The following MID1 variants were observed in gnomAD, a reference collection of about 807,000 sequenced individuals.
MID1 encodes the protein E3 ubiquitin-protein ligase Midline-1.
A neutral mutation model predicts 40.4 loss-of-function variants in MID1; 7 were observed. The ratio of observed to expected loss-of-function variants is 0.17; its 90% CI spans 0.10 to 0.33. The LOEUF (loss-of-function observed/expected upper bound fraction) is 0.33. MID1 is among the 10% of genes least tolerant of loss of function. MID1 has a pLI of 1.00. For synonymous variants in MID1, 229 were observed against 221.2 expected, an observed-to-expected ratio of 1.04 and a Z score of -0.31; for missense variants, 367 against 558.5, an observed-to-expected ratio of 0.66 and a Z score of 3.46.
At chrX:10,567,709 G>C in intron 1 of MID1, 106 bp from the exon 2 acceptor site, 2 of 530,000 alleles carry the variant, frequency 3.8e-6, no homozygotes, top group South Asian at 5.7e-5. Context: ...GTCATGAAAG[G>C]GTAAGTGTGT....
At chrX:10,811,920 G>A (rs1310521907) in intron 1 of MID1, among the ~76,000 whole-genome samples, 1 of 111,507 alleles carries the variant, frequency 9.0e-6, no homozygotes, top group African/African-American at 3.3e-5. Context: ...ATTTTTTGAT[G>A]GCAAAATGTC....
At chrX:10,666,854 T>C (rs1186155559) in intron 1 of MID1, among the ~76,000 whole-genome samples, 2 of 111,872 alleles carry the variant, frequency 1.8e-5, no homozygotes, top group East Asian at 5.6e-4. Context: ...TATGGATGGA[T>C]AGAAAGGCAG....
At chrX:10,831,971 T>C in intron 1 of MID1, among the ~76,000 whole-genome samples, 1 of 112,668 alleles carries the variant, frequency 8.9e-6, no homozygotes, top group Non-Finnish European at 1.9e-5. Flanking sequence ...CCATCTGTTA[T>C]TAACTGTATA....
intron 1 of MID1, among the ~76,000 whole-genome samples, chrX:10,681,074 A>G (rs1253090480): frequency 2.0e-5 from 2 of 101,312 alleles, no homozygotes; most frequent in East Asian, 3.1e-4. Flanking sequence ...TAATAATAAT[A>G]ATGCTACACA....
At chrX:10,491,500 C>T (rs775966642) in intron 4 of MID1, among the ~76,000 whole-genome samples, 7 of 110,920 alleles carry the variant, frequency 6.3e-5, no homozygotes, top group Admixed American at 4.8e-4. Flanking sequence ...CCTCCTGCCT[C>T]GGCCTCCCAA....
At chrX:10,478,022 G>A (rs906200272) in intron 5 of MID1, among the ~76,000 whole-genome samples, 2 of 112,327 alleles carry the variant, frequency 1.8e-5, no homozygotes, top group East Asian at 2.8e-4. Flanking sequence ...ACTGCCTATT[G>A]TAGTGAGGAA....
intron 1 of MID1, among the ~76,000 whole-genome samples, chrX:10,593,509 T>G (rs1474108045): frequency 9.0e-6 from 1 of 111,254 alleles, no homozygotes; most frequent in East Asian, 2.8e-4. Context: ...TTGAATCAAA[T>G]TATTGCCCAA....
chrX:10,627,388 A>G (rs1377192785), intron 1 of MID1, among the ~76,000 whole-genome samples: 1 of 112,070 alleles, frequency 8.9e-6, no homozygotes, highest in African/African-American at 3.2e-5. Flanking sequence ...TAGTTTTTCC[A>G]CATGTAACCA....
intron 3 of MID1, chrX:10,501,370 T>A (rs756725532): frequency 1.3e-5 from 15 of 1,126,289 alleles, no homozygotes; most frequent in Non-Finnish European, 1.5e-5. Context: ...TTTCACCTCA[T>A]CTCATTTTTG....
At chrX:10,685,377 A>G (rs2043088221) in intron 1 of MID1, among the ~76,000 whole-genome samples, 1 of 111,951 alleles carries the variant, frequency 8.9e-6, no homozygotes, top group Non-Finnish European at 1.9e-5. Flanking sequence ...TTCTTCCCCA[A>G]GGTGGATCAT....
chrX:10,473,010 TG>T (rs1215611636), intron 6 of MID1, among the ~76,000 whole-genome samples: 1 of 112,818 alleles, frequency 8.9e-6, no homozygotes, highest in Non-Finnish European at 1.9e-5. Flanking sequence ...TTTAACAGGA[TG>T]CCACTGTGAA....
chrX:10,646,458 T>C (rs771065959), intron 1 of MID1, among the ~76,000 whole-genome samples: 2 of 111,737 alleles, frequency 1.8e-5, no homozygotes, highest in South Asian at 7.6e-4. Context: ...GAGAGTAATT[T>C]AAACAGAAAT....
intron 1 of MID1, among the ~76,000 whole-genome samples, chrX:10,732,933 C>T (rs764737691): frequency 4.4e-4 from 47 of 105,838 alleles, no homozygotes; most frequent in African/African-American, 7.6e-4. Context: ...GCGCGATCTC[C>T]GCTCACTGCA....
intron 1 of MID1, among the ~76,000 whole-genome samples, chrX:10,575,077 T>C (rs1211288746): frequency 8.9e-6 from 1 of 112,520 alleles, no homozygotes; most frequent in Non-Finnish European, 1.9e-5. Context: ...ACAAATAGCA[T>C]TGAAAATGTA....
intron 1 of MID1, among the ~76,000 whole-genome samples, chrX:10,665,672 C>T (rs773153951): frequency 3.7e-5 from 4 of 109,319 alleles, no homozygotes; most frequent in East Asian, 5.8e-4. Context: ...GGACTGCAGG[C>T]ACACGCCACC....
intron 1 of MID1, among the ~76,000 whole-genome samples, chrX:10,817,560 CTTTCTT>C: frequency 1.1e-5 from 1 of 93,522 alleles, no homozygotes; most frequent in South Asian, 4.9e-4. Context: ...TTCTTTCTTT[CTTTCTT>C]TCTTTCTCTC....
chrX:10,751,625 C>A (rs1424307335), intron 1 of MID1, among the ~76,000 whole-genome samples: 1 of 111,779 alleles, frequency 8.9e-6, no homozygotes, highest in East Asian at 2.8e-4. Context: ...AGGAGGAGAC[C>A]TTGTCAACAA....
chrX:10,832,335 A>T (rs1455893973), intron 1 of MID1, among the ~76,000 whole-genome samples: 6 of 112,755 alleles, frequency 5.3e-5, no homozygotes, highest in Non-Finnish European at 1.1e-4. Flanking sequence ...TAGTCTCACT[A>T]GGGAATGGAC....
intron 1 of MID1, among the ~76,000 whole-genome samples, chrX:10,811,458 T>C (rs1418616651): frequency 2.7e-5 from 3 of 112,495 alleles, no homozygotes; most frequent in Non-Finnish European, 5.6e-5. Flanking sequence ...GACACTTCTG[T>C]CTGCTAACAC....
Sources: allele counts gnomAD v4.1 joint callset (sites outside exome capture counted in the v4.1 genomes callset), GRCh38; gene constraint gnomAD v4.1.1; transcripts MANE v1.5; gene names NCBI Gene and HGNC (gene_info 2026-07-23, HGNC 2026-07-21).